PROK2: variants seen among roughly 807,000 people sequenced by gnomAD.
The protein encoded by PROK2 is prokineticin-2.
PROK2 carries 8 observed loss-of-function variants against 14.2 expected under a neutral mutation model. That is an observed-to-expected ratio of 0.56 (90% CI 0.33 to 1.02). The LOEUF (loss-of-function observed/expected upper bound fraction) is 1.02. PROK2 is among the 50% of genes least tolerant of loss of function. The pLI, the probability that PROK2 is intolerant of heterozygous loss-of-function variation, is 0.03. For missense variants in PROK2, 154 were observed against 160.4 expected (o/e 0.96, Z 0.22); for synonymous variants, 59 against 60.7 (o/e 0.97, Z 0.13).
At position 71,772,706 on chromosome 3, in the gene PROK2, GTTT is replaced by G. The variant is rs1401824649; in HGVS notation, c.*15_*17del. On this transcript the variant is annotated 3_prime_UTR_variant, in exon 4 of 4. Transcript: ENST00000295619. ...GGTAAGATGTGGCTATTCACATTTG[GTTT>G]CTACTCCAGAGCGATTACTTTTGGG... 1 of 1,601,886 alleles carries G rather than the reference GTTT, an allele frequency of 6.2e-7. No individual in the cohort carries two copies. The highest frequency in any genetic ancestry group is 1.1e-5 in the South Asian group (1 of 90,794).
In PROK2 at chr3:71,774,459, T is replaced by C; in HGVS notation, c.271A>G (p.Lys91Glu). 1 of 1,551,540 alleles carries C rather than the reference T, an allele frequency of 6.4e-7. No homozygotes were observed. The change falls in exon 3 of 4, where the codon AAA becomes GAA. Residue 91 changes from lysine to glutamate, a missense_variant. Transcript: ENST00000295619. Reference protein sequence around the residue: ...RQERRKRKRSKRKKEVPFFGR... With the variant: ...RQERRKRKRSERKKEVPFFGR... Reference sequence around the variant, plus strand: ...ATTCTTCTTACCTCCTTTTTCCTTTTGCTTCTCTTCCTCTTTCTTCTTTCC... The same window carrying C: ...ATTCTTCTTACCTCCTTTTTCCTTTCGCTTCTCTTCCTCTTTCTTCTTTCC...
chr3:71,774,002 T>C (rs961710563), intron 3 of PROK2, among the ~76,000 whole-genome samples: 1 of 152,196 alleles, frequency 6.6e-6, no homozygotes, highest in African/African-American at 2.4e-5. Flanking sequence ...GCCTGGAGCG[T>C]CTGTGAAATC....
chr3:71,776,601 C>T (rs2050122377), intron 2 of PROK2, among the ~76,000 whole-genome samples: 1 of 152,088 alleles, frequency 6.6e-6, no homozygotes, highest in African/African-American at 2.4e-5. Context: ...TGGTCTTGAA[C>T]TCCTGGCCTC....
At position 71,785,061 on chromosome 3, in the gene PROK2, C is replaced by A. The variant is rs1199981477; in HGVS notation, c.-9G>T. ...CAGCACAGGCTCCTCATGGCGCCCT[C>A]GGGACTGGGCGGCCGCCGGAGGCAG... On this transcript the variant is annotated 5_prime_UTR_variant, in exon 1 of 4. Transcript: ENST00000295619. The A allele has an allele frequency of 1.6e-6, 2 of 1,234,566 alleles. No individual in the cohort carries two copies. The highest frequency in any genetic ancestry group is 2.0e-6 in the Non-Finnish European group (2 of 985,162). 76.5% of individuals were successfully genotyped at this position (1,234,566 alleles called of 1,614,324 possible).
intron 2 of PROK2, 78 bp downstream of exon 2, chr3:71,781,389 C>T: frequency 1.9e-6 from 3 of 1,547,206 alleles, no homozygotes; most frequent in Non-Finnish European, 2.7e-6. Flanking sequence ...GCACGTTACC[C>T]AGTCCTTCAT....
At chr3:71,781,668 G>A (rs2050161623) in intron 1 of PROK2, 76 bp from the exon 2 acceptor site, 2 of 1,464,400 alleles carry the variant, frequency 1.4e-6, no homozygotes, top group South Asian at 2.3e-5. Context: ...AATTAGCAGT[G>A]AAATGCCCTT....
chr3:71,771,918 A>G lies in PROK2; in HGVS notation c.*806T>C, dbSNP rs887084106. 1 of 152,428 alleles carries G rather than the reference A, an allele frequency of 6.6e-6. No homozygotes were observed. The highest frequency in any genetic ancestry group is 1.5e-5 in the Non-Finnish European group (1 of 68,050). 9.4% of individuals were successfully genotyped at this position (152,428 alleles called of 1,614,324 possible). ...TCTCTAAGTAGGAGACTAAGGAAAA[A>G]AAACTTTATAAAAAGTAAAAGAAGT... On this transcript the variant is annotated 3_prime_UTR_variant, in exon 4 of 4. Transcript: ENST00000295619.
At chr3:71,783,430 A>T (rs1559627447) in intron 1 of PROK2, among the ~76,000 whole-genome samples, 1 of 152,168 alleles carries the variant, frequency 6.6e-6, no homozygotes, top group Non-Finnish European at 1.5e-5. Context: ...TAATAAGCCC[A>T]GTCTAAGCCT....
chr3:71,778,735 A>G (rs2050139516), intron 2 of PROK2, among the ~76,000 whole-genome samples: 1 of 152,246 alleles, frequency 6.6e-6, no homozygotes, highest in Non-Finnish European at 1.5e-5. Flanking sequence ...GCTGAGAGAT[A>G]TTCTGGAAGA....
At chr3:71,772,963 C>T (rs780226635) in intron 3 of PROK2, 135 bp from the exon 4 acceptor site, 6 of 728,474 alleles carry the variant, frequency 8.2e-6, no homozygotes, top group Non-Finnish European at 1.4e-5. Flanking sequence ...GCAATATGCT[C>T]AGTACTTTTT....
At position 71,784,944 on chromosome 3, in the gene PROK2, C is replaced by A; in HGVS notation, c.96+13G>T. Reference sequence around the variant, plus strand: ...GCGCATCAGGGGCAGACAGGTGCGCCCGGGCCGCTTACCCCGGTGATCACG... The same window carrying A: ...GCGCATCAGGGGCAGACAGGTGCGCACGGGCCGCTTACCCCGGTGATCACG... On this transcript the variant is annotated intron_variant, in intron 1 of 3. Transcript: ENST00000295619. 1 of 1,243,136 alleles carries A rather than the reference C, an allele frequency of 8.0e-7. No individual in the cohort carries two copies. Among genetic ancestry groups the A allele is most frequent in the East Asian group, 3.1e-5 (1 of 31,858 alleles). 77.0% of individuals were successfully genotyped at this position (1,243,136 alleles called of 1,614,324 possible). A position where few individuals can be genotyped will look rare whatever the true frequency, so the allele number is the denominator to read the frequency against.
intron 1 of PROK2, among the ~76,000 whole-genome samples, chr3:71,784,006 T>C (rs752079687): frequency 6.6e-6 from 1 of 152,234 alleles, no homozygotes; most frequent in Non-Finnish European, 1.5e-5. Flanking sequence ...ATTTCAAACA[T>C]AGACGTTTTA....
intron 2 of PROK2, among the ~76,000 whole-genome samples, chr3:71,777,924 T>C (rs913930890): frequency 3.3e-5 from 5 of 151,820 alleles, no homozygotes; most frequent in African/African-American, 1.2e-4. Flanking sequence ...TAAAAAATTG[T>C]GAAAAATGTG....
rs371383628 is a variant in PROK2 at position 71,774,487 on chromosome 3, C to T, written c.243G>A (p.Arg81=). ...LTRKNNFGNG[R]QERRKRKRSK... ...TTCTCTTCCTCTTTCTTCTTTCCTG[C>T]CTTCCATTTCCAAAATTGTTCTGGA... is the stretch of plus-strand genomic sequence containing the variant. The change falls in exon 3 of 4, where the codon AGG becomes AGA. Residue 81 remains arginine (R), a synonymous_variant. Coordinates refer to ENST00000295619, the MANE Select transcript of PROK2 (RefSeq NM_001126128.2). 7.7e-5 allele frequency: 120 copies of T among 1,551,124 alleles called. No individual in the cohort carries two copies. The highest frequency in any genetic ancestry group is 2.4e-4 in the Admixed American group (12 of 50,956).
At position 71,774,529 on chromosome 3, in the gene PROK2, T is replaced by C. The variant is rs551292432; in HGVS notation, c.223-22A>G. On this transcript the variant is annotated intron_variant, in intron 2 of 3. Transcript: ENST00000295619. ...TGTTCTGGAAGGGCCAGGGAGACGA[T>C]TGAGATCAATAAATACAAAGGGAAG... The C allele has an allele frequency of 2.1e-5, 33 of 1,548,650 alleles. No individual in the cohort carries two copies. The African/African-American group carries it at 2.7e-4, about 13-fold the overall frequency.
At chr3:71,780,073 T>C (rs1190178894) in intron 2 of PROK2, among the ~76,000 whole-genome samples, 1 of 152,198 alleles carries the variant, frequency 6.6e-6, no homozygotes, top group Non-Finnish European at 1.5e-5. Context: ...AAGTTTGGCA[T>C]TGAGACACAC....
At position 71,772,750 on chromosome 3, in the gene PROK2, G is replaced by A. The variant is rs751742071; in HGVS notation, c.364C>T (p.Arg122Ter). Reference protein sequence around the residue: ...GLACLRTSFNRFICLAQK With the variant: ...GLACLRTSFN ...TACTTTTGGGCTAAACAAATAAATC[G>A]GTTAAATGAAGTCCGTAAACAGGCC... Residue 122 changes from arginine to a stop codon, truncating the protein, a stop_gained, in exon 4 of 4, where the codon CGA (arginine) becomes TGA (stop). Coordinates refer to ENST00000295619, the MANE Select transcript of PROK2 (RefSeq NM_001126128.2). LOFTEE classifies it high-confidence loss of function. 4.3e-6 allele frequency: 7 copies of A among 1,614,050 alleles called. No individual in the cohort carries two copies. The highest frequency in any genetic ancestry group is 2.2e-5 in the East Asian group (1 of 44,874).
chr3:71,772,865 G>C (rs887647914), intron 3 of PROK2, 37 bp from the exon 4 acceptor site: 1 of 1,575,730 alleles, frequency 6.3e-7, no homozygotes, highest in Non-Finnish European at 8.7e-7. Flanking sequence ...AGCTGGAAAG[G>C]TTTCAAAAAC....
Position 71,781,558 on chromosome 3 carries a change from A to T in PROK2, c.131T>A (p.Met44Lys), listed in dbSNP as rs1272051914. 3.1e-6 allele frequency: 5 copies of T among 1,612,048 alleles called. No individual in the cohort carries two copies. The highest frequency in any genetic ancestry group is 1.3e-5 in the African/African-American group (1 of 74,872). ...CDKDSQCGGG[M>K]CCAVSIWVKS... The stretch of plus-strand genomic sequence containing the variant: ...GACCCAGATACTGACAGCACAGCAC[A>T]TGCCTCCACCACATTGGGAGTCCTT... Residue 44 changes from methionine to lysine, a missense_variant, in exon 2 of 4, where the codon ATG becomes AAG. Coordinates refer to ENST00000295619, the MANE Select transcript of PROK2 (RefSeq NM_001126128.2).
Sources: allele counts gnomAD v4.1 joint callset (sites outside exome capture counted in the v4.1 genomes callset), GRCh38; gene constraint gnomAD v4.1.1; transcripts MANE v1.5; gene names NCBI Gene and HGNC (gene_info 2026-07-23, HGNC 2026-07-21).